ZMYND8: variants seen among roughly 807,000 people sequenced by gnomAD.
ZMYND8 encodes zinc finger MYND-type containing 8, also known as MYND-type zinc finger-containing chromatin reader ZMYND8.
In ZMYND8, 37 loss-of-function variants were observed where a neutral mutation model predicts 140.8. The observed-to-expected ratio is 0.26, with a 90% CI of 0.20 to 0.35. ZMYND8 has a LOEUF of 0.35. ZMYND8 is among the 10% of genes least tolerant of loss of function. The pLI is 1.00. For missense variants in ZMYND8, 1,068 were observed against 1,570.0 expected, an observed-to-expected ratio of 0.68 and a Z score of 5.40; for synonymous variants, 592 against 597.1, an observed-to-expected ratio of 0.99 and a Z score of 0.12.
chr20:47,245,668 A>G (rs1249643197), intron 14 of ZMYND8, among the ~76,000 whole-genome samples: 1 of 152,266 alleles, frequency 6.6e-6, no homozygotes. Flanking sequence ...GAAATAAATG[A>G]GCATATTGGA....
intron 20 of ZMYND8, 48 bp downstream of exon 20, chr20:47,221,266 G>A: frequency 6.2e-7 from 1 of 1,603,818 alleles, no homozygotes; most frequent in Non-Finnish European, 8.5e-7. Context: ...AAGTCCACTT[G>A]GCACAAAGGG....
intron 2 of ZMYND8, among the ~76,000 whole-genome samples, chr20:47,324,433 C>T (rs57123283): frequency 1.3e-5 from 2 of 152,032 alleles, no homozygotes; most frequent in African/African-American, 2.4e-5. Context: ...GCAGGAGAAT[C>T]GCTTGAACCT....
At chr20:47,316,564 A>G (rs1241207720) in intron 2 of ZMYND8, among the ~76,000 whole-genome samples, 2 of 151,990 alleles carry the variant, frequency 1.3e-5, no homozygotes, top group Admixed American at 1.3e-4. Flanking sequence ...AGGCCGAGGC[A>G]GGCAGATTGC....
chr20:47,244,103 G>A (rs2040259070), intron 14 of ZMYND8, among the ~76,000 whole-genome samples: 1 of 152,170 alleles, frequency 6.6e-6, no homozygotes, highest in African/African-American at 2.4e-5. Context: ...GAGCAGCCCA[G>A]GTTGACCATA....
chr20:47,293,667 C>T lies in ZMYND8; in HGVS notation c.567+999G>A, dbSNP rs147281067. Reference sequence around the variant, plus strand: ...TTTTCCTAACTCCCATGGGAAGGAGCACAAAGCTCCCCTTGCTGGGTGTTA... The same window carrying T: ...TTTTCCTAACTCCCATGGGAAGGAGTACAAAGCTCCCCTTGCTGGGTGTTA... On this transcript the variant is annotated intron_variant, in intron 5 of 22. Transcript: ENST00000471951. Among the ~76,000 whole-genome samples the T allele has an allele frequency of 2.6e-5, 4 of 152,302 alleles. No individual in the cohort carries two copies. The East Asian group carries it at 7.7e-4, about 29-fold the overall frequency.
intron 21 of ZMYND8, 85 bp from the exon 22 acceptor site, chr20:47,212,810 C>T: frequency 8.1e-7 from 1 of 1,240,226 alleles, no homozygotes; most frequent in Non-Finnish European, 1.1e-6. Flanking sequence ...TTTTGTTCAT[C>T]AACAGGCTAC....
chr20:47,270,233 G>C (rs1337773039), intron 11 of ZMYND8, among the ~76,000 whole-genome samples: 1 of 148,946 alleles, frequency 6.7e-6, no homozygotes, highest in East Asian at 2.0e-4. Flanking sequence ...GTGTGACCCT[G>C]TCTCTTAAAA....
At chr20:47,228,722 C>T (rs759812263) in intron 17 of ZMYND8, among the ~76,000 whole-genome samples, 1 of 152,212 alleles carries the variant, frequency 6.6e-6, no homozygotes, top group African/African-American at 2.4e-5. Context: ...TTCTCCTCTT[C>T]GTCTGAGCAC....
intron 2 of ZMYND8, among the ~76,000 whole-genome samples, chr20:47,328,786 C>T (rs771010035): frequency 3.3e-5 from 5 of 152,196 alleles, no homozygotes; most frequent in African/African-American, 9.7e-5. Context: ...TGGAAGAGAT[C>T]CTTCATTCAC....
Position 47,229,751 on chromosome 20 carries a change from T to C in ZMYND8, c.2912A>G (p.Asn971Ser), listed in dbSNP as rs756292218. Residue 971 changes from asparagine to serine, a missense_variant, in exon 17 of 23, where the codon AAC (asparagine) becomes AGC (serine). By Grantham distance (46) the Asn-to-Ser change is conservative (BLOSUM62 1). This residue lies in a region of ZMYND8 where 87 missense variants were observed against 151.1 expected (regional missense o/e 0.58). Coordinates refer to ENST00000471951, the MANE Select transcript of ZMYND8 (RefSeq NM_001281775.3). ...MTEIYNDLSK[N>S]TTGSTIAEIR... The stretch of plus-strand genomic sequence containing the variant: ...CTCAGCTATTGTGCTTCCAGTAGTG[T>C]TTTTAGAAAGATCGTTGTATATTTC... 3.7e-6 allele frequency: 6 copies of C among 1,613,516 alleles called. No individual in the cohort carries two copies. In the East Asian group the frequency reaches 6.7e-5, roughly 18 times the overall value.
chr20:47,249,848 T>C (rs2074025272), intron 12 of ZMYND8, among the ~76,000 whole-genome samples: 1 of 152,132 alleles, frequency 6.6e-6, no homozygotes, highest in Non-Finnish European at 1.5e-5. Flanking sequence ...CAGGTCCAGA[T>C]TGAAGAGGAC....
At chr20:47,223,670 C>T (rs991481774) in intron 19 of ZMYND8, among the ~76,000 whole-genome samples, 5 of 151,260 alleles carry the variant, frequency 3.3e-5, no homozygotes, top group African/African-American at 9.7e-5. Flanking sequence ...ACTAAAAATA[C>T]TAAAAATTAG....
Position 47,253,329 on chromosome 20 carries a change from G to T in ZMYND8, c.1622-3890C>A, listed in dbSNP as rs999082578. Among the ~76,000 whole-genome samples, 4 of 152,168 alleles carry T rather than the reference G, an allele frequency of 2.6e-5. No homozygotes were observed. The Middle Eastern group carries it at 0.01, about 388-fold the overall frequency. On this transcript the variant is annotated intron_variant, in intron 12 of 22. Coordinates refer to ENST00000471951, the MANE Select transcript of ZMYND8 (RefSeq NM_001281775.3). The stretch of plus-strand genomic sequence containing the variant: ...AAGCAGGTGGAGCACCTGAGGTCAG[G>T]AGTTCAAGACCAACCTGACCAACAT...
chr20:47,294,837 G>T (rs911731013), intron 4 of ZMYND8, 58 bp from the exon 5 acceptor site: 3 of 1,476,152 alleles, frequency 2.0e-6, no homozygotes, highest in Non-Finnish European at 2.8e-6. Flanking sequence ...TACCATCCAT[G>T]TACTGATTTC....
At chr20:47,249,143 A>T in intron 13 of ZMYND8, 144 bp downstream of exon 13, 1 of 993,830 alleles carries the variant, frequency 1.0e-6, no homozygotes, top group Non-Finnish European at 1.4e-6. Flanking sequence ...GAGTGGAAAT[A>T]TATTTTAGCT....
At chr20:47,279,502 TAAATAATA>T (rs11471076) in intron 10 of ZMYND8, among the ~76,000 whole-genome samples, 25,603 of 151,782 alleles carry the variant, frequency 0.17, 2,191 homozygotes, top group Middle Eastern at 0.2. Context: ...AATAAATAAA[TAAATAATA>T]AAACAAGCCC....
At chr20:47,313,929 T>C (rs1199251898) in intron 2 of ZMYND8, among the ~76,000 whole-genome samples, 1 of 151,862 alleles carries the variant, frequency 6.6e-6, no homozygotes, top group Non-Finnish European at 1.5e-5. Context: ...CAAGACTCCG[T>C]CTCAAAAAAA....
At position 47,236,353 on chromosome 20, in the gene ZMYND8, G is replaced by C; in HGVS notation, c.2829C>G (p.Ala943=). 2 of 1,614,152 alleles carry C rather than the reference G, an allele frequency of 1.2e-6. No homozygotes were observed. The highest frequency in any genetic ancestry group is 1.7e-6 in the Non-Finnish European group (2 of 1,180,026). The change falls in exon 16 of 23, where the codon GCC becomes GCG. Residue 943 remains alanine, a synonymous_variant. Coordinates refer to ENST00000471951, the MANE Select transcript of ZMYND8 (RefSeq NM_001281775.3). The part of the protein sequence containing the change: ...LPIATASADV[A]ADIAKYTSKM... The stretch of plus-strand genomic sequence containing the variant: ...TGCTAGTGTACTTGGCAATATCAGC[G>C]GCGACATCAGCTGAGGCAGTGGCGA...
intron 2 of ZMYND8, among the ~76,000 whole-genome samples, chr20:47,317,985 A>T (rs1485399488): frequency 1.3e-5 from 2 of 152,186 alleles, no homozygotes; most frequent in East Asian, 3.8e-4. Context: ...TTCAATGGTA[A>T]CTAATGGGTA....
Sources: gnomAD v4.1 joint callset for allele counts (sites outside exome capture counted in the v4.1 genomes callset) on GRCh38, gnomAD v4.1.1 for gene constraint, gnomAD v4.1.1 regional missense constraint, MANE v1.5 for transcripts, NCBI Gene and HGNC (gene_info 2026-07-23, HGNC 2026-07-21) for gene names.